KCNK9: variants seen among roughly 807,000 people sequenced by gnomAD.
The protein encoded by KCNK9 is potassium two pore domain channel subfamily K member 9.
KCNK9 carries 1 observed loss-of-function variant against 10.8 expected under a neutral mutation model. The observed-to-expected ratio is 0.09, with a 90% CI of 0.03 to 0.44. KCNK9 has a LOEUF of 0.44. Among genes scored for constraint, KCNK9 ranks in the 20% least tolerant of loss-of-function variants. The pLI is 0.97. For missense variants in KCNK9, 303 were observed against 515.0 expected (o/e 0.59, Z 3.98); for synonymous variants, 231 against 222.7 (o/e 1.04, Z -0.33).
chr8:139,680,724 C>T (rs959263351), intron 1 of KCNK9, among the ~76,000 whole-genome samples: 1 of 152,128 alleles, frequency 6.6e-6, no homozygotes, highest in African/African-American at 2.4e-5. Flanking sequence ...GGAGAGGAAA[C>T]GGGGCCCAGA....
intron 1 of KCNK9, among the ~76,000 whole-genome samples, chr8:139,686,293 C>A (rs9694921): frequency 0.54 from 82,468 of 151,818 alleles, 22,648 homozygotes; most frequent in Admixed American, 0.59. Context: ...AGCTTCTGCA[C>A]AGTAAAAGAA....
intron 1 of KCNK9, among the ~76,000 whole-genome samples, chr8:139,672,921 G>T (rs565282560): frequency 6.6e-6 from 1 of 152,216 alleles, no homozygotes; most frequent in South Asian, 2.1e-4. Context: ...AAGGCACTGC[G>T]CCAGGCGGGA....
At chr8:139,638,420 G>C (rs749638474) in intron 1 of KCNK9, among the ~76,000 whole-genome samples, 1 of 152,166 alleles carries the variant, frequency 6.6e-6, no homozygotes, top group Admixed American at 6.5e-5. Flanking sequence ...CAGGAGCTAC[G>C]GAAGACTTGG....
At chr8:139,643,505 A>C (rs1048948177) in intron 1 of KCNK9, among the ~76,000 whole-genome samples, 16 of 152,174 alleles carry the variant, frequency 1.1e-4, no homozygotes, top group African/African-American at 2.9e-4. Context: ...CCGGATCCTG[A>C]AGATTTCCCT....
At chr8:139,662,879 G>T (rs4736289) in intron 1 of KCNK9, among the ~76,000 whole-genome samples, 5 of 137,174 alleles carry the variant, frequency 3.6e-5, no homozygotes, top group African/African-American at 1.2e-4. Context: ...GGGAAGGGGG[G>T]GGGGCTGGAG....
chr8:139,607,446 G>A lies in KCNK9; in HGVS notation c.*1-5845C>T, dbSNP rs111703839. Among the ~76,000 whole-genome samples the A allele has an allele frequency of 2.1e-3, 322 of 152,284 alleles. 2 individuals are homozygous for A. Among genetic ancestry groups the A allele is most frequent in the African/African-American group, 6.3e-3 (262 of 41,562 alleles). The stretch of plus-strand genomic sequence containing the variant: ...GCCCGAGTTGCACAAAGGGGCCCCC[G>A]GGAGCTGCCGGGCCCACTGTTGCAG... On this transcript the variant is annotated intron_variant, in intron 2 of 2. Coordinates refer to the KCNK9 transcript ENST00000650269.
chr8:139,647,491 A>G (rs1279687371), intron 1 of KCNK9, among the ~76,000 whole-genome samples: 4 of 152,150 alleles, frequency 2.6e-5, no homozygotes, highest in Non-Finnish European at 5.9e-5. Flanking sequence ...ACAACAAATG[A>G]TATGGAAGGA....
chr8:139,624,175 G>A lies in KCNK9; in HGVS notation c.284-5076C>T, dbSNP rs146537616. On this transcript the variant is annotated intron_variant, in intron 1 of 1. Transcript: ENST00000520439. ...CGCTGCTCATCTCCAGAGCTTCACC[G>A]CCTGTTTTGCTGACATCTAGGGGGA... 1.4e-3 allele frequency among the ~76,000 whole-genome samples: 214 copies of A among 152,304 alleles called. 1 individual carries two copies. The highest frequency in any genetic ancestry group is 2.5e-3 in the South Asian group (12 of 4,832).
At chr8:139,639,972 C>T (rs1354742105) in intron 1 of KCNK9, among the ~76,000 whole-genome samples, 1 of 152,142 alleles carries the variant, frequency 6.6e-6, no homozygotes, top group East Asian at 1.9e-4. Context: ...GGCCAGGGCC[C>T]AGTGACAGTG....
chr8:139,601,164 G>T (rs921366931), exon 3 of KCNK9: 1 of 152,236 alleles, frequency 6.6e-6, no homozygotes, highest in Non-Finnish European at 1.5e-5. Context: ...TTATGAACGC[G>T]ATTCTTGGTT....
chr8:139,625,042 C>G (rs1018232106), intron 1 of KCNK9, among the ~76,000 whole-genome samples: 3 of 152,178 alleles, frequency 2.0e-5, no homozygotes, highest in Non-Finnish European at 2.9e-5. Flanking sequence ...TGAGAATCAG[C>G]CCCCTCACCT....
intron 1 of KCNK9, among the ~76,000 whole-genome samples, chr8:139,673,857 C>T (rs1816490624): frequency 6.6e-6 from 1 of 152,118 alleles, no homozygotes; most frequent in African/African-American, 2.4e-5. Context: ...AGCCAGCATC[C>T]CACCTGCTCC....
At chr8:139,669,761 G>A (rs1018942063) in intron 1 of KCNK9, among the ~76,000 whole-genome samples, 2 of 152,168 alleles carry the variant, frequency 1.3e-5, no homozygotes, top group Admixed American at 1.3e-4. Flanking sequence ...ATATGGAATG[G>A]TATATTCCTT....
chr8:139,645,494 C>T (rs1383648657), intron 1 of KCNK9, among the ~76,000 whole-genome samples: 1 of 152,198 alleles, frequency 6.6e-6, no homozygotes, highest in Non-Finnish European at 1.5e-5. Context: ...CCACGGCTTC[C>T]CTGTCTGTAC....
At chr8:139,654,637 G>A (rs549147104) in intron 1 of KCNK9, among the ~76,000 whole-genome samples, 8 of 152,372 alleles carry the variant, frequency 5.3e-5, no homozygotes, top group East Asian at 1.9e-4. Context: ...AGCCTTTCAC[G>A]TGGGTCCCTA....
At chr8:139,605,106 C>T (rs552382485) in intron 2 of KCNK9, among the ~76,000 whole-genome samples, 22 of 152,180 alleles carry the variant, frequency 1.4e-4, no homozygotes, top group Non-Finnish European at 2.8e-4. Context: ...GATTTGCCTT[C>T]GATATAAAGA....
intron 2 of KCNK9, among the ~76,000 whole-genome samples, chr8:139,602,235 G>T (rs1294011331): frequency 6.6e-6 from 1 of 152,216 alleles, no homozygotes; most frequent in African/African-American, 2.4e-5. Flanking sequence ...TGCAAAGATG[G>T]GAGGGGCTGC....
At chr8:139,675,750 C>T (rs1816535160) in intron 1 of KCNK9, among the ~76,000 whole-genome samples, 1 of 151,834 alleles carries the variant, frequency 6.6e-6, no homozygotes, top group African/African-American at 2.4e-5. Flanking sequence ...TATGTGTCCC[C>T]CACCCTCACT....
chr8:139,601,781 T>C (rs1817376202), intron 2 of KCNK9, among the ~76,000 whole-genome samples: 1 of 152,146 alleles, frequency 6.6e-6, no homozygotes, highest in Non-Finnish European at 1.5e-5. Flanking sequence ...CATGTTAGGT[T>C]CTCTATAGAG....
Sources: gnomAD v4.1 joint callset for allele counts (sites outside exome capture counted in the v4.1 genomes callset) on GRCh38, gnomAD v4.1.1 for gene constraint, MANE v1.5 for transcripts, NCBI Gene and HGNC (gene_info 2026-07-23, HGNC 2026-07-21) for gene names.